Variants in COL22A1 observed in about 807,000 individuals in gnomAD.
COL22A1 encodes the protein collagen type XXII alpha 1 chain.
In COL22A1, 221 loss-of-function variants were observed where a neutral mutation model predicts 248.9. That is an observed-to-expected ratio of 0.89 (90% confidence interval 0.80 to 0.99). The LOEUF (loss-of-function observed/expected upper bound fraction) is 0.99, where lower values mean the gene tolerates loss of function less well. COL22A1 is among the 50% of genes least tolerant of loss of function. COL22A1 has a pLI of 0.00. For synonymous variants in COL22A1, 891 were observed against 793.4 expected (o/e 1.12, Z -2.07); for missense variants, 2,240 against 2,179.0 (o/e 1.03, Z -0.56).
chr8:138,762,311 G>A, intron 17 of COL22A1, 102 bp downstream of exon 17: 2 of 1,149,296 alleles, frequency 1.7e-6, no homozygotes, highest in South Asian at 2.7e-5. Flanking sequence ...GCAAGGAGGA[G>A]GCCCAGGTGC....
chr8:138,745,372 C>T (rs1436523613), intron 22 of COL22A1, among the ~76,000 whole-genome samples: 2 of 152,092 alleles, frequency 1.3e-5, no homozygotes, highest in African/African-American at 4.8e-5. Context: ...GAATCTTGTC[C>T]TCTTCTAATC....
At chr8:138,702,982 T>C (rs1164425668) in intron 31 of COL22A1, among the ~76,000 whole-genome samples, 3 of 152,206 alleles carry the variant, frequency 2.0e-5, no homozygotes, top group African/African-American at 7.2e-5. Context: ...TCCTGGGTCA[T>C]GGTAGTGCAG....
chr8:138,636,675 G>A, intron 48 of COL22A1, 67 bp downstream of exon 48: 1 of 1,166,860 alleles, frequency 8.6e-7, no homozygotes, highest in Admixed American at 1.8e-5. Context: ...TTGTACAATG[G>A]AAGCCACCTG....
chr8:138,672,529 C>G (rs1417268292), intron 41 of COL22A1, among the ~76,000 whole-genome samples: 2 of 152,184 alleles, frequency 1.3e-5, no homozygotes, highest in Non-Finnish European at 2.9e-5. Flanking sequence ...CACTGGAGGG[C>G]AGGGAGCCTG....
Position 138,594,169 on chromosome 8 carries a change from G to C in COL22A1, c.4463C>G (p.Pro1488Arg). Residue 1488 changes from proline to arginine, a missense_variant, in exon 63 of 65, where the codon CCC becomes CGC. Physicochemically the swap from Pro to Arg is moderately radical, Grantham distance 103. Transcript: ENST00000303045. ...TTGAGATGACTTCATGTACGCCGGG[G>C]GCATCTGGGCCAGGAGGTAGGCGAG... ...TRLAYLLAQM[P>R]PAYMKSSQGR... is the part of the protein sequence containing the mutation. The C allele has an allele frequency of 6.4e-7, 1 of 1,571,742 alleles. No individual in the cohort carries two copies. The highest frequency in any genetic ancestry group is 8.6e-7 in the Non-Finnish European group (1 of 1,165,448).
chr8:138,695,014 G>C (rs1182210647), intron 32 of COL22A1, 135 bp from the exon 33 acceptor site: 2 of 737,016 alleles, frequency 2.7e-6, no homozygotes, highest in Non-Finnish European at 2.2e-6. Context: ...ACCCCCAAAG[G>C]CTGTTCCCTC....
intron 4 of COL22A1, among the ~76,000 whole-genome samples, chr8:138,839,417 G>T (rs1157050270): frequency 6.6e-6 from 1 of 152,184 alleles, no homozygotes; most frequent in Non-Finnish European, 1.5e-5. Context: ...GCCACAGAGG[G>T]CTTTAAAGTG....
intron 47 of COL22A1, among the ~76,000 whole-genome samples, chr8:138,637,700 G>C (rs1210341665): frequency 6.6e-6 from 1 of 152,088 alleles, no homozygotes; most frequent in Non-Finnish European, 1.5e-5. Context: ...TCTTTGTCAT[G>C]GGGTTACTGT....
chr8:138,627,449 A>T (rs1224801886), intron 50 of COL22A1, among the ~76,000 whole-genome samples: 1 of 152,214 alleles, frequency 6.6e-6, no homozygotes, highest in Non-Finnish European at 1.5e-5. Flanking sequence ...TTTGCCAAGT[A>T]CTATATTAGA....
chr8:138,910,413 C>T (rs915157992), intron 1 of COL22A1, among the ~76,000 whole-genome samples: 1 of 152,166 alleles, frequency 6.6e-6, no homozygotes, highest in Non-Finnish European at 1.5e-5. Flanking sequence ...GTCAATCCCT[C>T]TGTGTCCTGG....
At chr8:138,707,993 C>G (rs1586524980) in intron 30 of COL22A1, among the ~76,000 whole-genome samples, 1 of 152,102 alleles carries the variant, frequency 6.6e-6, no homozygotes, top group African/African-American at 2.4e-5. Flanking sequence ...ACACCAATAA[C>G]AGAAAAACAG....
chr8:138,699,722 C>G (rs1475415142), intron 32 of COL22A1, among the ~76,000 whole-genome samples: 1 of 152,206 alleles, frequency 6.6e-6, no homozygotes, highest in African/African-American at 2.4e-5. Context: ...TCTCTGGTCT[C>G]CTTCACTGCC....
At chr8:138,653,988 G>A (rs1411758068) in intron 45 of COL22A1, among the ~76,000 whole-genome samples, 3 of 152,162 alleles carry the variant, frequency 2.0e-5, no homozygotes, top group Non-Finnish European at 4.4e-5. Context: ...CATTCCTTCT[G>A]GGGTTTCCAG....
chr8:138,724,627 A>T lies in COL22A1; in HGVS notation c.2235T>A (p.Pro745=). 6.2e-7 allele frequency: 1 copy of T among 1,614,142 alleles called. No individual in the cohort carries two copies. The highest frequency in any genetic ancestry group is 8.5e-7 in the Non-Finnish European group (1 of 1,179,992). The change falls in exon 25 of 65, where the codon CCT becomes CCA. Residue 745 remains proline (P), a synonymous_variant. Transcript: ENST00000303045. The part of the protein sequence containing the change: ...GEIGFPGKPG[P]PGPTGPPGKD... ...TCCGAACACTCACCGTGGGCCCAGG[A>T]GGTCCAGGCTTTCCCGGGAAGCCGA...
intron 4 of COL22A1, among the ~76,000 whole-genome samples, chr8:138,833,434 G>A (rs1282092173): frequency 3.9e-5 from 6 of 152,168 alleles, no homozygotes; most frequent in Non-Finnish European, 7.3e-5. Context: ...ACAAATGGAG[G>A]GTGTCCTGGT....
chr8:138,821,835 G>C (rs146623777), intron 6 of COL22A1, among the ~76,000 whole-genome samples: 4 of 152,224 alleles, frequency 2.6e-5, no homozygotes, highest in African/African-American at 9.6e-5. Context: ...TCGTGGGCTG[G>C]TTAAACCAAA....
intron 3 of COL22A1, among the ~76,000 whole-genome samples, chr8:138,853,194 T>A (rs553405386): frequency 1.9e-4 from 29 of 152,098 alleles, no homozygotes; most frequent in Middle Eastern, 3.4e-3. Flanking sequence ...GGGGCAGCAT[T>A]TATAGTGAGG....
At chr8:138,694,620 G>A (rs143960442) in intron 33 of COL22A1, 59 bp from the exon 34 acceptor site, 51 of 1,564,088 alleles carry the variant, frequency 3.3e-5, no homozygotes, top group African/African-American at 1.6e-4. Context: ...GCAGATGGGC[G>A]GATGGGGCGG....
chr8:138,794,890 C>T lies in COL22A1; in HGVS notation c.1596+1929G>A, dbSNP rs537373137. On this transcript the variant is annotated intron_variant, in intron 12 of 64. Transcript: ENST00000303045. ...CTAGAATTAAAGAGTAGAAAAGTAG[C>T]TTCCAGGGGTTGGGGGAGAGGAAAT... Among the ~76,000 whole-genome samples, 62 of 152,224 alleles carry T rather than the reference C, an allele frequency of 4.1e-4. No homozygotes were observed. In the South Asian group the frequency reaches 0.013, roughly 31 times the overall value.
Sources: allele counts gnomAD v4.1 joint callset (sites outside exome capture counted in the v4.1 genomes callset), GRCh38; gene constraint gnomAD v4.1.1; transcripts MANE v1.5; gene names NCBI Gene and HGNC (gene_info 2026-07-23, HGNC 2026-07-21).